CDC42: variants seen among roughly 807,000 people sequenced by gnomAD.
The protein encoded by CDC42 is cell division control protein 42 homolog.
Under a neutral mutation model 20.8 loss-of-function variants are expected in CDC42, and 1 was observed. The ratio of observed to expected loss-of-function variants is 0.05; its 90% CI spans 0.02 to 0.23. The LOEUF is 0.23. CDC42 is among the 10% of genes least tolerant of loss of function. The pLI is 1.00. For synonymous variants in CDC42, 72 were observed against 84.8 expected (o/e 0.85, Z 0.83); for missense variants, 49 against 227.9 (o/e 0.21, Z 5.05).
chr1:22,076,731 ATCTTAG>A (rs374053857), intron 1 of CDC42, among the ~76,000 whole-genome samples: 19 of 152,250 alleles, frequency 1.2e-4, no homozygotes, highest in African/African-American at 4.6e-4. Context: ...TAATTGATTG[ATCTTAG>A]GGATCAGGGT....
rs953271730 is a variant in CDC42 at position 22,097,839 on chromosome 1, G to A, written c.*6322G>A. 5.3e-5 allele frequency among the ~76,000 whole-genome samples: 8 copies of A among 152,230 alleles called. No individual in the cohort carries two copies. Among genetic ancestry groups the A allele is most frequent in the Admixed American group, 4.6e-4 (7 of 15,286 alleles). ...TTGCTGATTAGTGGGGTCAGGATGG[G>A]AGGAGAGCCCTGATTTTAATGCAGT... On this transcript the variant is annotated 3_prime_UTR_variant, in exon 6 of 6. Coordinates refer to ENST00000656825, the MANE Select transcript of CDC42 (RefSeq NM_001791.4).
intron 1 of CDC42, among the ~76,000 whole-genome samples, chr1:22,077,686 A>C (rs2124002565): frequency 6.6e-6 from 1 of 152,324 alleles, no homozygotes; most frequent in East Asian, 1.9e-4. Context: ...AGAGATGTTA[A>C]CATGAAAAAA....
At chr1:22,078,886 CTTTTTT>C (rs34952712) in intron 2 of CDC42, 16 of 1,000,506 alleles carry the variant, frequency 1.6e-5, no homozygotes, top group South Asian at 3.7e-5. Context: ...AATGAGGTGA[CTTTTTT>C]TTTTTTTTTT....
chr1:22,089,814 C>G (rs762345223), intron 5 of CDC42: 49 of 872,250 alleles, frequency 5.6e-5, no homozygotes, highest in Non-Finnish European at 7.6e-5. Context: ...ATCTAGCATT[C>G]TAGCGTTTTT....
At chr1:22,056,018 A>G (rs1645301521) in intron 1 of CDC42, among the ~76,000 whole-genome samples, 1 of 152,128 alleles carries the variant, frequency 6.6e-6, no homozygotes, top group Non-Finnish European at 1.5e-5. Context: ...CTGGAATTTT[A>G]TGGTAATGCC....
intron 2 of CDC42, among the ~76,000 whole-genome samples, chr1:22,079,891 A>C (rs924811567): frequency 6.6e-6 from 1 of 152,194 alleles, no homozygotes; most frequent in East Asian, 1.9e-4. Context: ...TGTGTTGTAC[A>C]TCTCTGGAAA....
At position 22,061,528 on chromosome 1, in the gene CDC42, C is replaced by CTTTTTTTTTTTTTTTTTTTTTTTT. The variant is rs1404317396; in HGVS notation, c.-51+8789_-51+8790insTTTTTTTTTTTTTTTTTTTTTTTT. 4.6e-5 allele frequency among the ~76,000 whole-genome samples: 4 copies of CTTTTTTTTTTTTTTTTTTTTTTTT among 86,306 alleles called. 2 individuals are homozygous for CTTTTTTTTTTTTTTTTTTTTTTTT. Among genetic ancestry groups the CTTTTTTTTTTTTTTTTTTTTTTTT allele is most frequent in the Non-Finnish European group, 8.8e-5 (4 of 45,674 alleles). The allele number at this position is 86,306 out of a possible 152,430, so 56.6% of individuals were successfully genotyped here. A position where few individuals can be genotyped will look rare whatever the true frequency, so the allele number is the denominator to read the frequency against. On this transcript the variant is annotated intron_variant, in intron 1 of 5. Transcript: ENST00000656825. ...GGTCAATCAGTTTAACTTCATGTTT[C>CTTTTTTTTTTTTTTTTTTTTTTTT]TTTCTTTTTTTTTTTTTTTTTTTTT...
Position 22,060,343 on chromosome 1 carries a change from T to TA in CDC42, c.-51+7613dup, listed in dbSNP as rs1453729496. The stretch of plus-strand genomic sequence containing the variant: ...CAGCTGAGACTCCGTCTCAAAAAAT[T>TA]AAAAAAAAAAAAGATTATTGCAATT... On this transcript the variant is annotated intron_variant, in intron 1 of 5. Coordinates refer to ENST00000656825, the MANE Select transcript of CDC42 (RefSeq NM_001791.4). Among the ~76,000 whole-genome samples, 418 of 143,244 alleles carry TA rather than the reference T, an allele frequency of 2.9e-3. 1 individual carries two copies. Among genetic ancestry groups the TA allele is most frequent in the Middle Eastern group, 0.011 (3 of 284 alleles). 94.0% of individuals were successfully genotyped at this position (143,244 alleles called of 152,430 possible). A position where few individuals can be genotyped will look rare whatever the true frequency, so the allele number is the denominator to read the frequency against.
chr1:22,055,726 C>CT (rs1409621214), intron 1 of CDC42, among the ~76,000 whole-genome samples: 3 of 152,026 alleles, frequency 2.0e-5, no homozygotes, highest in African/African-American at 7.2e-5. Context: ...TGAACTCAAG[C>CT]TATTTGCTCC....
At chr1:22,075,497 A>G (rs941418691) in intron 1 of CDC42, among the ~76,000 whole-genome samples, 1 of 152,188 alleles carries the variant, frequency 6.6e-6, no homozygotes, top group African/African-American at 2.4e-5. Flanking sequence ...CTCTGTGTAC[A>G]TGGAGGGCTG....
At position 22,091,781 on chromosome 1, in the gene CDC42, TTGTG is replaced by T. The variant is rs796220909; in HGVS notation, c.*274_*277del. 6.1e-4 allele frequency: 76 copies of T among 124,570 alleles called. 7 individuals carry two copies. The highest frequency in any genetic ancestry group is 4.3e-3 in the South Asian group (15 of 3,470). 7.7% of individuals were successfully genotyped at this position (124,570 alleles called of 1,614,324 possible). ...TTTTGTTGTTTCAAAAAAAAAATTTTTGTGTGTGTGTGTTTTTTTTTTTTTTTTT... is the reference window on the plus strand; with the variant it reads ...TTTTGTTGTTTCAAAAAAAAAATTTTTGTGTGTGTTTTTTTTTTTTTTTTT... On this transcript the variant is annotated 3_prime_UTR_variant, in exon 6 of 6. Coordinates refer to ENST00000656825, the MANE Select transcript of CDC42 (RefSeq NM_001791.4).
intron 3 of CDC42, among the ~76,000 whole-genome samples, chr1:22,082,641 A>C (rs1645619997): frequency 6.6e-6 from 1 of 152,214 alleles, no homozygotes; most frequent in Non-Finnish European, 1.5e-5. Flanking sequence ...TTTGCAAGTT[A>C]ACATGTTGCT....
At chr1:22,064,851 A>G (rs1311516371) in intron 1 of CDC42, among the ~76,000 whole-genome samples, 2 of 151,948 alleles carry the variant, frequency 1.3e-5, no homozygotes, top group African/African-American at 2.4e-5. Flanking sequence ...TAATTTTCAT[A>G]TTTTTAGTAG....
At chr1:22,068,707 C>G (rs1645450238) in intron 1 of CDC42, 1 of 152,360 alleles carries the variant, frequency 6.6e-6, no homozygotes, top group Admixed American at 6.5e-5. Context: ...TACCAGTGCT[C>G]TTAACTAATT....
At chr1:22,055,284 T>TA (rs1645292854) in intron 1 of CDC42, among the ~76,000 whole-genome samples, 1 of 151,068 alleles carries the variant, frequency 6.6e-6, no homozygotes, top group South Asian at 2.1e-4. Context: ...GAGATGGAGA[T>TA]AAGAGTTTGG....
chr1:22,057,636 G>A (rs536860540), intron 1 of CDC42, among the ~76,000 whole-genome samples: 4 of 151,992 alleles, frequency 2.6e-5, no homozygotes, highest in Non-Finnish European at 5.9e-5. Flanking sequence ...CGCCCGTCTC[G>A]GCCTCTCAAA....
intron 1 of CDC42, among the ~76,000 whole-genome samples, chr1:22,058,871 G>A (rs1277066877): frequency 2.0e-5 from 3 of 151,952 alleles, no homozygotes; most frequent in Non-Finnish European, 4.4e-5. Context: ...GCTGCAGTGC[G>A]TGGTGTGATT....
At chr1:22,069,893 C>T (rs1394511731) in intron 1 of CDC42, among the ~76,000 whole-genome samples, 3 of 151,928 alleles carry the variant, frequency 2.0e-5, no homozygotes, top group African/African-American at 2.4e-5. Flanking sequence ...CTCCTGGGCT[C>T]GGATGATCTT....
intron 1 of CDC42, among the ~76,000 whole-genome samples, chr1:22,069,641 A>AT (rs1645462827): frequency 6.1e-5 from 3 of 49,166 alleles, no homozygotes; most frequent in South Asian, 6.2e-4. Context: ...TTTTTTTTTA[A>AT]TTTTTTGTAG....
Sources: allele counts gnomAD v4.1 joint callset (sites outside exome capture counted in the v4.1 genomes callset), GRCh38; gene constraint gnomAD v4.1.1; transcripts MANE v1.5; gene names NCBI Gene and HGNC (gene_info 2026-07-23, HGNC 2026-07-21).